Variants in TBC1D15 observed in about 807,000 individuals in gnomAD.
TBC1D15 encodes the protein TBC1 domain family member 15.
TBC1D15 carries 39 observed loss-of-function variants against 95.4 expected under a neutral mutation model. The observed-to-expected ratio is 0.41, with a 90% CI of 0.32 to 0.53. The LOEUF is 0.53. Ranked by LOEUF, TBC1D15 falls within the 20% of genes least tolerant of loss-of-function variation. The pLI is 0.29. For synonymous variants in TBC1D15, 258 were observed against 261.3 expected (o/e 0.99, Z 0.12); for missense variants, 733 against 794.3 (o/e 0.92, Z 0.93).
At chr12:71,916,148 C>T (rs1005719908) in intron 12 of TBC1D15, among the ~76,000 whole-genome samples, 5 of 152,078 alleles carry the variant, frequency 3.3e-5, no homozygotes, top group African/African-American at 1.2e-4. Flanking sequence ...ATTCCTTTCT[C>T]CTCTCCATCT....
intron 1 of TBC1D15, among the ~76,000 whole-genome samples, chr12:71,842,976 A>G (rs1483238765): frequency 1.3e-5 from 2 of 151,946 alleles, no homozygotes; most frequent in African/African-American, 4.8e-5. Context: ...CTGTTAGTGT[A>G]TTAGAATTTC....
chr12:71,890,841 G>A (rs1278692414), intron 5 of TBC1D15, among the ~76,000 whole-genome samples: 1 of 152,122 alleles, frequency 6.6e-6, no homozygotes, highest in Admixed American at 6.6e-5. Context: ...TATTCACTTG[G>A]ATAAAAGAAT....
intron 1 of TBC1D15, among the ~76,000 whole-genome samples, chr12:71,852,534 C>G (rs576613520): frequency 1.3e-5 from 2 of 152,176 alleles, no homozygotes; most frequent in East Asian, 3.8e-4. Context: ...GTCCTGCTTA[C>G]CTTTTAAATA....
chr12:71,869,787 C>T (rs1892278114), intron 1 of TBC1D15, among the ~76,000 whole-genome samples: 1 of 152,068 alleles, frequency 6.6e-6, no homozygotes, highest in Admixed American at 6.5e-5. Flanking sequence ...ATCTGGTTCA[C>T]CCTCCTGTTT....
chr12:71,875,779 T>C (rs1893678854), intron 3 of TBC1D15, among the ~76,000 whole-genome samples: 1 of 151,862 alleles, frequency 6.6e-6, no homozygotes, highest in Middle Eastern at 3.2e-3. Flanking sequence ...CATAATTTTT[T>C]ATTAAAGATT....
chr12:71,855,292 G>C (rs534495945), intron 1 of TBC1D15, among the ~76,000 whole-genome samples: 3 of 152,176 alleles, frequency 2.0e-5, no homozygotes, highest in Admixed American at 1.3e-4. Context: ...GATGAGATTT[G>C]GGTGGGGATA....
chr12:71,856,897 G>T (rs998035598), intron 1 of TBC1D15, among the ~76,000 whole-genome samples: 9 of 152,150 alleles, frequency 5.9e-5, no homozygotes, highest in Admixed American at 4.6e-4. Flanking sequence ...CAGAGCAGTG[G>T]AAGAACCTTG....
intron 1 of TBC1D15, among the ~76,000 whole-genome samples, chr12:71,867,990 A>G (rs1237989031): frequency 1.3e-5 from 2 of 152,252 alleles, no homozygotes; most frequent in Admixed American, 1.3e-4. Context: ...CTTATAAAAT[A>G]TAAGACTTTG....
At chr12:71,905,165 A>G (rs567855120) in intron 10 of TBC1D15, among the ~76,000 whole-genome samples, 1 of 152,314 alleles carries the variant, frequency 6.6e-6, no homozygotes, top group South Asian at 2.1e-4. Context: ...AAGAAGAAAT[A>G]CTGATAGTTC....
chr12:71,909,793 A>G (rs1386877131), intron 11 of TBC1D15, among the ~76,000 whole-genome samples: 1 of 152,154 alleles, frequency 6.6e-6, no homozygotes, highest in Non-Finnish European at 1.5e-5. Flanking sequence ...GAAGTACTTT[A>G]GAAATTGTAC....
At chr12:71,897,603 C>A (rs995327191) in intron 9 of TBC1D15, among the ~76,000 whole-genome samples, 1 of 151,822 alleles carries the variant, frequency 6.6e-6, no homozygotes, top group African/African-American at 2.4e-5. Flanking sequence ...AAAAGAATAC[C>A]TAAAATTATT....
At chr12:71,890,005 G>A (rs11831203) in intron 5 of TBC1D15, among the ~76,000 whole-genome samples, 13,966 of 152,140 alleles carry the variant, frequency 0.092, 710 homozygotes, top group South Asian at 0.14. Flanking sequence ...GTATTCCATG[G>A]TGTATATATA....
chr12:71,866,720 G>A (rs2138215604), intron 1 of TBC1D15, among the ~76,000 whole-genome samples: 1 of 152,236 alleles, frequency 6.6e-6, no homozygotes, highest in Admixed American at 6.5e-5. Context: ...CAAAGTGCTG[G>A]GATTACAGGC....
chr12:71,923,013 G>A lies in TBC1D15; in HGVS notation c.1834G>A (p.Gly612Arg). 6.2e-7 allele frequency: 1 copy of A among 1,614,180 alleles called. No individual in the cohort carries two copies. Among genetic ancestry groups the A allele is most frequent in the Non-Finnish European group, 8.5e-7 (1 of 1,180,028 alleles). ...ELPQAVCEILGLQGSEVTTPD... is the reference protein window; with the variant it reads ...ELPQAVCEILRLQGSEVTTPD... ...GCCACAAGCAGTCTGTGAGATCCTT[G>A]GGCTTCAAGGCAGTGAAGTTACAAC... The change falls in exon 17 of 17, where the codon GGG becomes AGG. Residue 612 changes from glycine to arginine, a missense_variant. Transcript: ENST00000485960.
chr12:71,857,078 ATTTTTTAAATTTAAT>A (rs1003353140), intron 1 of TBC1D15, among the ~76,000 whole-genome samples: 18 of 149,070 alleles, frequency 1.2e-4, no homozygotes, highest in Non-Finnish European at 2.1e-4. Flanking sequence ...TTCTTTTAAA[ATTTTTTAAATTTAAT>A]TTTTTTAAAT....
chr12:71,850,131 C>T (rs1887400647), intron 1 of TBC1D15: 5 of 532,618 alleles, frequency 9.4e-6, no homozygotes, highest in African/African-American at 2.0e-5. Context: ...CTTTCAAATA[C>T]TCCATTCTCA....
At chr12:71,878,560 G>T (rs1894453119) in intron 3 of TBC1D15, among the ~76,000 whole-genome samples, 1 of 150,954 alleles carries the variant, frequency 6.6e-6, no homozygotes, top group Non-Finnish European at 1.5e-5. Context: ...CTTTCATCCA[G>T]GCTGGAGTGC....
intron 3 of TBC1D15, among the ~76,000 whole-genome samples, chr12:71,877,207 TG>T (rs1894050126): frequency 1.4e-5 from 2 of 142,474 alleles, no homozygotes; most frequent in Non-Finnish European, 3.1e-5. Flanking sequence ...TGTGTGTGTG[TG>T]TGTTTTTTTT....
chr12:71,865,254 G>C (rs958637444), intron 1 of TBC1D15, among the ~76,000 whole-genome samples: 1 of 152,222 alleles, frequency 6.6e-6, no homozygotes, highest in African/African-American at 2.4e-5. Flanking sequence ...CAGGATGTAT[G>C]ACACTGAGTC....
Sources: allele counts gnomAD v4.1 joint callset (sites outside exome capture counted in the v4.1 genomes callset), GRCh38; gene constraint gnomAD v4.1.1; transcripts MANE v1.5; gene names NCBI Gene and HGNC (gene_info 2026-07-23, HGNC 2026-07-21).